Variants in DLL4 observed in about 807,000 individuals in gnomAD.
The protein encoded by DLL4 is delta like canonical Notch ligand 4.
A neutral mutation model predicts 73.6 loss-of-function variants in DLL4; 7 were observed. The ratio of observed to expected loss-of-function variants is 0.10; its 90% CI spans 0.05 to 0.18. DLL4 has a LOEUF of 0.18. Ranked by LOEUF, DLL4 falls within the 10% of genes least tolerant of loss-of-function variation. The pLI, the probability that DLL4 is intolerant of heterozygous loss-of-function variation, is 1.00. For missense variants in DLL4, 614 were observed against 929.9 expected, an observed-to-expected ratio of 0.66 and a Z score of 4.42; for synonymous variants, 345 against 374.3, an observed-to-expected ratio of 0.92 and a Z score of 0.90.
intron 8 of DLL4, 79 bp from the exon 9 acceptor site, chr15:40,936,149 T>C: frequency 7.6e-7 from 1 of 1,321,306 alleles, no homozygotes; most frequent in Non-Finnish European, 1.0e-6. Context: ...CCCGAACGTG[T>C]TCCTGGAATG....
In DLL4 at chr15:40,931,666, C is replaced by A; in HGVS notation, c.558C>A (p.Arg186=). 3.1e-6 allele frequency: 5 copies of A among 1,613,788 alleles called. No individual in the cohort carries two copies. The highest frequency in any genetic ancestry group is 3.4e-6 in the Non-Finnish European group (4 of 1,179,832). ...SDNYYGDNCS[R]LCKKRNDHFG... ...ACTACTATGGAGACAACTGCTCCCG[C>A]CTGTGCAAGAAGCGCAATGACCACT... The change falls in exon 4 of 11, where the codon CGC becomes CGA. Residue 186 remains arginine, a synonymous_variant. Transcript: ENST00000249749.
At position 40,929,443 on chromosome 15, in the gene DLL4, T is replaced by C; in HGVS notation, c.-226T>C. 1.8e-6 allele frequency: 1 copy of C among 547,444 alleles called. No individual in the cohort carries two copies. The highest frequency in any genetic ancestry group is 3.2e-6 in the Non-Finnish European group (1 of 315,604). 33.9% of individuals were successfully genotyped at this position (547,444 alleles called of 1,614,324 possible). On this transcript the variant is annotated 5_prime_UTR_variant, in exon 1 of 11. Coordinates refer to ENST00000249749, the MANE Select transcript of DLL4 (RefSeq NM_019074.4). This position sits in a 1 kb window ranked among gnomAD's most constrained non-coding sequence, Gnocchi z 7.1. The stretch of plus-strand genomic sequence containing the variant: ...CACTAGCCCGCTTGCAGCCCCAGGA[T>C]TAGACAGAAGACGCGTCCTCGGCGC...
chr15:40,929,643 G>A lies in DLL4; in HGVS notation c.-26G>A, dbSNP rs766048930. Reference sequence around the variant, plus strand: ...GAACAGAGCCAGATTGAGGGCCCGCGGGTGGAGAGAGCGACGCCCGAGGGG... The same window carrying A: ...GAACAGAGCCAGATTGAGGGCCCGCAGGTGGAGAGAGCGACGCCCGAGGGG... On this transcript the variant is annotated 5_prime_UTR_variant, in exon 1 of 11. Coordinates refer to ENST00000249749, the MANE Select transcript of DLL4 (RefSeq NM_019074.4). This position sits in a 1 kb window ranked among gnomAD's most constrained non-coding sequence, Gnocchi z 7.1. The A allele has an allele frequency of 2.0e-6, 3 of 1,511,542 alleles. No homozygotes were observed. Among genetic ancestry groups the A allele is most frequent in the Admixed American group, 2.3e-5 (1 of 43,272 alleles). The allele number at this position is 1,511,542 out of a possible 1,614,324, so 93.6% of individuals were successfully genotyped here.
chr15:40,937,038 C>T, intron 9 of DLL4, 108 bp downstream of exon 9: 2 of 930,300 alleles, frequency 2.1e-6, no homozygotes, highest in Non-Finnish European at 3.2e-6. Flanking sequence ...GGTTTTGTTA[C>T]TGACAGGAAG....
chr15:40,929,830 C>G lies in DLL4; in HGVS notation c.67-17C>G. 1 of 1,609,902 alleles carries G rather than the reference C, an allele frequency of 6.2e-7. No individual in the cohort carries two copies. Among genetic ancestry groups the G allele is most frequent in the Non-Finnish European group, 8.5e-7 (1 of 1,179,342 alleles). On this transcript the variant is annotated splice_polypyrimidine_tract_variant and intron_variant, in intron 1 of 10. Coordinates refer to ENST00000249749, the MANE Select transcript of DLL4 (RefSeq NM_019074.4). The surrounding 1 kb of genome is among the most constrained non-coding windows in gnomAD (Gnocchi z 7.1). Reference sequence around the variant, plus strand: ...TGACCGGTCCCCTCCCTCCTTCCCTCGGTCCCTGTGCAATAGCGCGCGGCC... The same window carrying G: ...TGACCGGTCCCCTCCCTCCTTCCCTGGGTCCCTGTGCAATAGCGCGCGGCC...
chr15:40,934,698 G>A lies in DLL4; in HGVS notation c.1001G>A (p.Arg334His), dbSNP rs781059377. Residue 334 changes from arginine (R) to histidine (H), a missense_variant, in exon 7 of 11, where the codon CGC becomes CAC. Around this residue, in one of 3 missense-constraint regions of DLL4, gnomAD observed 386 missense variants for 541.3 expected, o/e 0.71. Coordinates refer to ENST00000249749, the MANE Select transcript of DLL4 (RefSeq NM_019074.4). ...AGCGAGTGTGACAGCAACCCCTGTC[G>A]CAATGGAGGCAGCTGTAAGGTGAGG... ...ELSECDSNPC[R>H]NGGSCKDQED... 1.4e-5 allele frequency: 22 copies of A among 1,613,474 alleles called. No homozygotes were observed. The highest frequency in any genetic ancestry group is 6.6e-5 in the South Asian group (6 of 91,066).
chr15:40,935,000 G>C lies in DLL4; in HGVS notation c.1123G>C (p.Gly375Arg). Reference sequence around the variant, plus strand: ...CGCCGACTCCCCCTGCTTCAATGGGGGCTCCTGCCGGGAGCGCAACCAGGG... The same window carrying C: ...CGCCGACTCCCCCTGCTTCAATGGGCGCTCCTGCCGGGAGCGCAACCAGGG... The part of the protein sequence containing the change: ...SCADSPCFNG[G>R]SCRERNQGAN... Residue 375 changes from glycine (G) to arginine (R), a missense_variant, in exon 8 of 11, where the codon GGC (glycine) becomes CGC (arginine). By Grantham distance (125) the Gly-to-Arg change is moderately radical. Coordinates refer to ENST00000249749, the MANE Select transcript of DLL4 (RefSeq NM_019074.4). 1 of 1,613,580 alleles carries C rather than the reference G, an allele frequency of 6.2e-7. No homozygotes were observed. Among genetic ancestry groups the C allele is most frequent in the South Asian group, 1.1e-5 (1 of 91,088 alleles).
intron 8 of DLL4, among the ~76,000 whole-genome samples, chr15:40,935,872 A>G (rs962357478): frequency 6.6e-6 from 1 of 152,352 alleles, no homozygotes; most frequent in Admixed American, 6.5e-5. Context: ...TGAAGGGGCT[A>G]GCATTCTACT....
Position 40,929,482 on chromosome 15 carries a change from C to G in DLL4, c.-187C>G, listed in dbSNP as rs1892730953. On this transcript the variant is annotated 5_prime_UTR_variant, in exon 1 of 11. Transcript: ENST00000249749. The surrounding 1 kb of genome is among the most constrained non-coding windows in gnomAD (Gnocchi z 7.1). ...CGTCCTCGGCGCGGTCGCCGCCCAG[C>G]CGTAGTCACCTGGATTACCTACAGC... The G allele has an allele frequency of 6.8e-6, 4 of 588,322 alleles. No individual in the cohort carries two copies. The highest frequency in any genetic ancestry group is 8.6e-6 in the Non-Finnish European group (3 of 348,536). The allele number at this position is 588,322 out of a possible 1,614,324, so 36.4% of individuals were successfully genotyped here. A position where few individuals can be genotyped will look rare whatever the true frequency, so the allele number is the denominator to read the frequency against.
Position 40,929,514 on chromosome 15 carries a change from T to C in DLL4, c.-155T>C. 2 of 692,738 alleles carry C rather than the reference T, an allele frequency of 2.9e-6. No individual in the cohort carries two copies. Among genetic ancestry groups the C allele is most frequent in the Non-Finnish European group, 4.6e-6 (2 of 432,544 alleles). 42.9% of individuals were successfully genotyped at this position (692,738 alleles called of 1,614,324 possible). On this transcript the variant is annotated 5_prime_UTR_variant, in exon 1 of 11. Coordinates refer to ENST00000249749, the MANE Select transcript of DLL4 (RefSeq NM_019074.4). The surrounding 1 kb of genome is among the most constrained non-coding windows in gnomAD (Gnocchi z 7.1). Reference sequence around the variant, plus strand: ...CACCTGGATTACCTACAGCGGCAGCTGCAGCGGAGCCAGCGAGAAGGCCAA... The same window carrying C: ...CACCTGGATTACCTACAGCGGCAGCCGCAGCGGAGCCAGCGAGAAGGCCAA...
Position 40,932,308 on chromosome 15 carries a change from G to A in DLL4, c.720-9G>A, listed in dbSNP as rs377685381. ...TCTCACCTCACTCTGCCTCTCTCTTGTTCCCCAGCTGCCGCCCAGGCTGGC... is the reference window on the plus strand; with the variant it reads ...TCTCACCTCACTCTGCCTCTCTCTTATTCCCCAGCTGCCGCCCAGGCTGGC... On this transcript the variant is annotated splice_polypyrimidine_tract_variant and intron_variant, in intron 5 of 10. Coordinates refer to ENST00000249749, the MANE Select transcript of DLL4 (RefSeq NM_019074.4). 3 of 1,614,000 alleles carry A rather than the reference G, an allele frequency of 1.9e-6. No homozygotes were observed. The highest frequency in any genetic ancestry group is 3.3e-5 in the Admixed American group (2 of 60,026).
rs956123530 is a variant in DLL4, at chr15:40,938,172, G to A, written c.*138G>A. The stretch of plus-strand genomic sequence containing the variant: ...GGAGGAGGAGGGAATGGCAGGAACC[G>A]GACAGACTGTGAACTTGCCAAGAGA... On this transcript the variant is annotated 3_prime_UTR_variant, in exon 11 of 11. Transcript: ENST00000249749. 21 of 989,720 alleles carry A rather than the reference G, an allele frequency of 2.1e-5. 1 individual carries two copies. Among genetic ancestry groups the A allele is most frequent in the South Asian group, 8.0e-5 (4 of 50,066 alleles). The allele number at this position is 989,720 out of a possible 1,614,324, so 61.3% of individuals were successfully genotyped here.
At chr15:40,933,296 G>GTGTGTC (rs1555392988) in intron 6 of DLL4, among the ~76,000 whole-genome samples, 1 of 151,742 alleles carries the variant, frequency 6.6e-6, no homozygotes, top group Non-Finnish European at 1.5e-5. Context: ...GTGTGTGTGT[G>GTGTGTC]TGTCTGTCCC....
chr15:40,933,984 C>T (rs1892805609), intron 6 of DLL4, among the ~76,000 whole-genome samples: 1 of 140,084 alleles, frequency 7.1e-6, no homozygotes, highest in South Asian at 2.3e-4. Context: ...CCACTGCACT[C>T]CAGCCTGAGT....
intron 10 of DLL4, 118 bp from the exon 11 acceptor site, chr15:40,937,911 C>T (rs1892867790): frequency 8.0e-7 from 1 of 1,242,562 alleles, no homozygotes; most frequent in Non-Finnish European, 1.1e-6. Flanking sequence ...GAGGACTGCC[C>T]CACCTGCCCT....
chr15:40,934,824 GT>G, intron 7 of DLL4, 73 bp from the exon 8 acceptor site: 1 of 1,585,990 alleles, frequency 6.3e-7, no homozygotes, highest in Non-Finnish European at 8.6e-7. Context: ...TTGTGGGCAG[GT>G]GGAGCCCAGC....
rs1049444534 is a variant in DLL4, at chr15:40,939,048, A to G, written c.*1014A>G. ...ATTATTTTGTATATAATGTGTATTT[A>G]TAATATGAAACAGATGTGTACAGGA... On this transcript the variant is annotated 3_prime_UTR_variant, in exon 11 of 11. Coordinates refer to ENST00000249749, the MANE Select transcript of DLL4 (RefSeq NM_019074.4). The G allele has an allele frequency of 1.4e-5, 2 of 147,928 alleles. No homozygotes were observed. The highest frequency in any genetic ancestry group is 3.0e-5 in the Non-Finnish European group (2 of 67,522). 9.2% of individuals were successfully genotyped at this position (147,928 alleles called of 1,614,324 possible).
intron 8 of DLL4, among the ~76,000 whole-genome samples, chr15:40,936,000 G>A (rs1041670924): frequency 1.3e-5 from 2 of 152,228 alleles, no homozygotes; most frequent in Non-Finnish European, 1.5e-5. Flanking sequence ...CTGATTCTAC[G>A]TTAAAGTTCT....
chr15:40,930,188 T>C lies in DLL4; in HGVS notation c.336+72T>C. The C allele has an allele frequency of 2.0e-6, 3 of 1,526,914 alleles. No individual in the cohort carries two copies. Among genetic ancestry groups the C allele is most frequent in the Non-Finnish European group, 2.6e-6 (3 of 1,134,136 alleles). 94.6% of individuals were successfully genotyped at this position (1,526,914 alleles called of 1,614,324 possible). ...GAGGCGCCCTGGGACCAAAGCCCCCTCCCCAGATTTCCTTGTACACACACC... is the reference window on the plus strand; with the variant it reads ...GAGGCGCCCTGGGACCAAAGCCCCCCCCCCAGATTTCCTTGTACACACACC... On this transcript the variant is annotated intron_variant, in intron 2 of 10. Coordinates refer to ENST00000249749, the MANE Select transcript of DLL4 (RefSeq NM_019074.4). The surrounding 1 kb of genome is among the most constrained non-coding windows in gnomAD (Gnocchi z 5.7).
Sources: allele counts gnomAD v4.1 joint callset (sites outside exome capture counted in the v4.1 genomes callset), GRCh38; gene constraint gnomAD v4.1.1; regional missense constraint gnomAD v4.1.1; non-coding constraint Gnocchi (gnomAD v3.1); transcripts MANE v1.5; gene names NCBI Gene and HGNC (gene_info 2026-07-23, HGNC 2026-07-21).